The following AMPD3 variants were observed in gnomAD, a reference collection of about 807,000 sequenced individuals.
AMPD3 encodes the protein adenosine monophosphate deaminase 3.
Under a neutral mutation model 82.3 loss-of-function variants are expected in AMPD3, and 57 were observed. That is an observed-to-expected ratio of 0.69 (90% CI 0.56 to 0.86). The LOEUF (loss-of-function observed/expected upper bound fraction) is 0.86, where lower values mean the gene tolerates loss of function less well. AMPD3 is among the 40% of genes least tolerant of loss of function. AMPD3 has a pLI of 0.00. For missense variants in AMPD3, 870 were observed against 1,003.8 expected (o/e 0.87, Z 1.80); for synonymous variants, 381 against 394.7 (o/e 0.97, Z 0.41).
intron 3 of AMPD3, among the ~76,000 whole-genome samples, chr11:10,480,424 A>C (rs1311827449): frequency 6.7e-6 from 1 of 150,002 alleles, no homozygotes; most frequent in Admixed American, 6.7e-5. Flanking sequence ...CATCCACTGG[A>C]AGATGTAAAA....
At chr11:10,461,455 C>G in intron 1 of AMPD3, 60 bp from the exon 2 acceptor site, 2 of 1,612,124 alleles carry the variant, frequency 1.2e-6, no homozygotes, top group Non-Finnish European at 1.7e-6. Context: ...AGTGCCTTCT[C>G]TTCCCCGGTG....
intron 8 of AMPD3, 148 bp downstream of exon 8, chr11:10,495,178 G>A: frequency 6.3e-7 from 1 of 1,584,550 alleles, no homozygotes; most frequent in Non-Finnish European, 8.6e-7. Flanking sequence ...GGTGCCCAGT[G>A]CTGTGGTCTG....
At chr11:10,493,248 A>T in intron 6 of AMPD3, 101 bp from the exon 7 acceptor site, 1 of 1,392,324 alleles carries the variant, frequency 7.2e-7, no homozygotes, top group Non-Finnish European at 1.0e-6. Context: ...CGGATGGCCC[A>T]TGAGGTGCTG....
rs1291323733 is a variant in AMPD3, at chr11:10,456,582, C to G, written c.-6+1134C>G. The G allele has an allele frequency of 3.0e-6, 3 of 985,368 alleles. No homozygotes were observed. The African/African-American group carries it at 5.2e-5, about 17-fold the overall frequency. 61.0% of individuals were successfully genotyped at this position (985,368 alleles called of 1,614,324 possible). A position where few individuals can be genotyped will look rare whatever the true frequency, so the allele number is the denominator to read the frequency against. On this transcript the variant is annotated intron_variant, in intron 1 of 14. Transcript: ENST00000396553. This position sits in a 1 kb window ranked among gnomAD's most constrained non-coding sequence, Gnocchi z 4.3. ...ACTTTCTAACTTTGGGACACTTCTT[C>G]AAGTTCATCAGAGCGTGTTGCATGT... is the stretch of plus-strand genomic sequence containing the variant.
chr11:10,479,958 A>G, intron 3 of AMPD3: 1 of 985,418 alleles, frequency 1.0e-6, no homozygotes, highest in Non-Finnish European at 1.2e-6. Flanking sequence ...TTTGGTGTTC[A>G]CCCAACCTGA....
chr11:10,497,867 C>T, intron 10 of AMPD3: 1 of 980,366 alleles, frequency 1.0e-6, no homozygotes, highest in Non-Finnish European at 1.2e-6. Context: ...CTCACAATTA[C>T]CCCGTTACTA....
chr11:10,455,935 T>C (rs1220007919), intron 1 of AMPD3: 1 of 985,268 alleles, frequency 1.0e-6, no homozygotes, highest in Admixed American at 6.1e-5. Flanking sequence ...AAGGTGATGA[T>C]ATCGCTCGTT....
At chr11:10,481,294 T>C (rs1041964022) in intron 3 of AMPD3, 9 of 296,742 alleles carry the variant, frequency 3.0e-5, no homozygotes, top group African/African-American at 2.1e-4. Flanking sequence ...TGCTTTTGCT[T>C]CTTGTTTTGT....
intron 3 of AMPD3, chr11:10,481,445 G>A (rs541072579): frequency 6.1e-6 from 6 of 985,388 alleles, no homozygotes; most frequent in Admixed American, 6.1e-5. Context: ...ATGTGAGGCC[G>A]GCTTCTGGGT....
chr11:10,457,938 G>C (rs1347716727), intron 1 of AMPD3, among the ~76,000 whole-genome samples: 4 of 151,976 alleles, frequency 2.6e-5, no homozygotes, highest in Non-Finnish European at 5.9e-5. Flanking sequence ...AACATGGCAG[G>C]ATCTGGCATA....
intron 8 of AMPD3, 182 bp from the exon 9 acceptor site, chr11:10,495,388 G>A (rs1448645030): frequency 1.0e-6 from 1 of 983,882 alleles, no homozygotes; most frequent in Non-Finnish European, 1.2e-6. Flanking sequence ...TCACCAGAGG[G>A]GGCCTCTCCT....
In AMPD3 at chr11:10,487,338, C is replaced by T. The variant is rs1270464766; in HGVS notation, c.913C>T (p.His305Tyr). Residue 305 changes from histidine to tyrosine, a missense_variant, in exon 6 of 15, where the codon CAC (histidine) becomes TAC (tyrosine). His to Tyr is a moderately conservative substitution (Grantham distance 83, BLOSUM62 2). Transcript: ENST00000396553. ...GTTCAAAGAGTTGAAGAGTAACCCC[C>T]ACCGGGACTTCTATAACGTGAGAAA... ...SEFKELKSNP[H>Y]RDFYNVRKVD... The T allele has an allele frequency of 6.2e-7, 1 of 1,614,164 alleles. No homozygotes were observed. The highest frequency in any genetic ancestry group is 1.3e-5 in the African/African-American group (1 of 75,038).
At chr11:10,502,160 G>C in intron 12 of AMPD3, 1 of 985,414 alleles carries the variant, frequency 1.0e-6, no homozygotes, top group Non-Finnish European at 1.2e-6. Context: ...CACGATGTTT[G>C]ATCAAAATGC....
chr11:10,457,737 A>T (rs552550632), intron 1 of AMPD3, among the ~76,000 whole-genome samples: 1 of 152,136 alleles, frequency 6.6e-6, no homozygotes, highest in Non-Finnish European at 1.5e-5. Context: ...TCTACTAAAA[A>T]TACAAAAATT....
intron 2 of AMPD3, among the ~76,000 whole-genome samples, chr11:10,475,684 C>A (rs1237918686): frequency 6.6e-6 from 1 of 151,974 alleles, no homozygotes; most frequent in African/African-American, 2.4e-5. Flanking sequence ...TCCCATGAGC[C>A]CGTAAAAATA....
intron 2 of AMPD3, among the ~76,000 whole-genome samples, chr11:10,463,095 C>T (rs144943828): frequency 1.2e-4 from 18 of 152,252 alleles, no homozygotes; most frequent in Non-Finnish European, 2.6e-4. Context: ...TGCCCGGTAC[C>T]CTGCAAACAT....
intron 3 of AMPD3, chr11:10,481,752 T>G (rs1314881051): frequency 2.4e-6 from 1 of 424,212 alleles, no homozygotes; most frequent in Non-Finnish European, 4.4e-6. Flanking sequence ...ATGTGGGAAG[T>G]GTTGTTTACC....
intron 2 of AMPD3, among the ~76,000 whole-genome samples, chr11:10,474,324 C>T (rs1848678882): frequency 6.6e-6 from 1 of 152,224 alleles, no homozygotes; most frequent in Non-Finnish European, 1.5e-5. Flanking sequence ...CAGTGCCCCT[C>T]CCTGCCTAGT....
In AMPD3 at chr11:10,506,010, T is replaced by C; in HGVS notation, c.*126T>C. ...GGATGCCTCTGAAGAAATTTTAAAC[T>C]GGTGATTTTGGTTGCACTGCTCACT... On this transcript the variant is annotated 3_prime_UTR_variant, in exon 15 of 15. Coordinates refer to ENST00000396553, the MANE Select transcript of AMPD3 (RefSeq NM_001025389.2). The surrounding 1 kb of genome is among the most constrained non-coding windows in gnomAD (Gnocchi z 4.1). The C allele has an allele frequency of 9.3e-7, 1 of 1,080,706 alleles. No individual in the cohort carries two copies. The allele number at this position is 1,080,706 out of a possible 1,614,324, so 66.9% of individuals were successfully genotyped here.
Sources: gnomAD v4.1 joint callset for allele counts (sites outside exome capture counted in the v4.1 genomes callset) on GRCh38, gnomAD v4.1.1 for gene constraint, Gnocchi (gnomAD v3.1) non-coding constraint, MANE v1.5 for transcripts, NCBI Gene and HGNC (gene_info 2026-07-23, HGNC 2026-07-21) for gene names.